Variants in DYSF observed in about 807,000 individuals in gnomAD.
The protein encoded by DYSF is dystrophy-associated fer-1-like 1.
A neutral mutation model predicts 274.9 loss-of-function variants in DYSF; 212 were observed. The ratio of observed to expected loss-of-function variants is 0.77; its 90% confidence interval spans 0.69 to 0.86. DYSF has a LOEUF of 0.86. DYSF is among the 40% of genes least tolerant of loss of function. The pLI, the probability that DYSF is intolerant of heterozygous loss-of-function variation, is 0.00. For synonymous variants in DYSF, 1,091 were observed against 1,078.7 expected (o/e 1.01, Z -0.22); for missense variants, 2,666 against 2,783.2 (o/e 0.96, Z 0.95).
chr2:71,494,141 G>A (rs2084151326), intron 3 of DYSF, among the ~76,000 whole-genome samples: 1 of 152,074 alleles, frequency 6.6e-6, no homozygotes, highest in Admixed American at 6.5e-5. Flanking sequence ...CTCTCTTCAT[G>A]GCCTTCCTTA....
chr2:71,598,779 C>A (rs764288798), intron 33 of DYSF, 34 bp downstream of exon 33: 1 of 1,604,586 alleles, frequency 6.2e-7, no homozygotes, highest in Non-Finnish European at 8.5e-7. Flanking sequence ...CGTCCCCTCA[C>A]AGGGAGGGAC....
chr2:71,561,820 G>A lies in DYSF; in HGVS notation c.2285G>A (p.Arg762His), dbSNP rs759015457. 2.1e-5 allele frequency: 34 copies of A among 1,614,026 alleles called. No individual in the cohort carries two copies. Among genetic ancestry groups the A allele is most frequent in the Admixed American group, 6.7e-5 (4 of 59,992 alleles). Residue 762 changes from arginine (R) to histidine (H), a missense_variant, in exon 23 of 56, where the codon CGC becomes CAC. Arg to His is a conservative substitution (Grantham distance 29). Coordinates refer to ENST00000410020, the MANE Select transcript of DYSF (RefSeq NM_001130987.2). ...CTGGACCAGTACCTGTACCAGCTGC[G>A]CACCCATCACCTGAGCCAAATCACT... ...THLDQYLYQL[R>H]THHLSQITEA...
At chr2:71,648,694 C>T (rs1169106362) in intron 42 of DYSF, among the ~76,000 whole-genome samples, 1 of 152,150 alleles carries the variant, frequency 6.6e-6, no homozygotes, top group African/African-American at 2.4e-5. Flanking sequence ...AATTACTGTA[C>T]TTTAGAGATA....
chr2:71,462,507 A>C (rs1318763525), upstream of DYSF, among the ~76,000 whole-genome samples: 1 of 152,166 alleles, frequency 6.6e-6, no homozygotes, highest in Non-Finnish European at 1.5e-5. Flanking sequence ...GGTGGGGGGC[A>C]GGCTGTTTCA....
chr2:71,561,597 T>C lies in DYSF; in HGVS notation c.2217-155T>C, dbSNP rs553518515. 3.9e-5 allele frequency among the ~76,000 whole-genome samples: 6 copies of C among 152,160 alleles called. No homozygotes were observed. The South Asian group carries it at 8.3e-4, about 21-fold the overall frequency. ...GGAGGTGAGGGTGGAGCACATCACA[T>C]AGAGATGGCTGTGTGTGTGGAGCGG... On this transcript the variant is annotated intron_variant, in intron 22 of 55. Coordinates refer to ENST00000410020, the MANE Select transcript of DYSF (RefSeq NM_001130987.2).
chr2:71,553,762 C>CCCCCCCCT, intron 20 of DYSF, 45 bp from the exon 21 acceptor site: 3 of 1,500,894 alleles, frequency 2.0e-6, no homozygotes, highest in Non-Finnish European at 2.7e-6. Context: ...ATCCCACCCG[C>CCCCCCCCT]CCTCCACTCC....
At chr2:71,495,934 C>T (rs1248404395) in intron 3 of DYSF, among the ~76,000 whole-genome samples, 4 of 151,788 alleles carry the variant, frequency 2.6e-5, no homozygotes. Context: ...GGTCCTCAGG[C>T]ATCCTACCAC....
rs1559099257 is a variant in DYSF at position 71,535,023 on chromosome 2, G to A, written c.1383G>A (p.Leu461=). 1.9e-6 allele frequency: 3 copies of A among 1,614,206 alleles called. No homozygotes were observed. The highest frequency in any genetic ancestry group is 2.5e-6 in the Non-Finnish European group (3 of 1,180,026). ...FVEVSFAGKM[L]CSKILEKTAN... ...TGTCCCCTCCCTGTGTCTTCTAGCT[G>A]TGCAGCAAGATCTTGGAGAAGACGG... is the stretch of plus-strand genomic sequence containing the variant. The change falls in exon 15 of 56, where the codon CTG becomes CTA. Residue 461 remains leucine, a splice_region_variant and synonymous_variant. Coordinates refer to ENST00000410020, the MANE Select transcript of DYSF (RefSeq NM_001130987.2).
At chr2:71,624,200 C>A (rs1220597255) in intron 41 of DYSF, among the ~76,000 whole-genome samples, 1 of 152,178 alleles carries the variant, frequency 6.6e-6, no homozygotes, top group African/African-American at 2.4e-5. Context: ...ATTAGTACAA[C>A]CCAGCTCATC....
At chr2:71,477,861 A>C (rs749883124) in intron 1 of DYSF, among the ~76,000 whole-genome samples, 6 of 152,202 alleles carry the variant, frequency 3.9e-5, no homozygotes, top group Non-Finnish European at 7.3e-5. Flanking sequence ...CTGAAAGTGT[A>C]TTAAAATAGG....
intron 10 of DYSF, among the ~76,000 whole-genome samples, chr2:71,518,689 A>G (rs1172930274): frequency 6.6e-6 from 1 of 152,168 alleles, no homozygotes; most frequent in Non-Finnish European, 1.5e-5. Context: ...CTATCCAAGT[A>G]TATCATGCCT....
intron 14 of DYSF, among the ~76,000 whole-genome samples, chr2:71,533,963 C>G: frequency 6.6e-6 from 1 of 152,200 alleles, no homozygotes; most frequent in East Asian, 1.9e-4. Context: ...GTTGGTCTCT[C>G]TTCTTTCCTT....
At chr2:71,474,461 A>G (rs2082256145) in intron 1 of DYSF, among the ~76,000 whole-genome samples, 1 of 152,176 alleles carries the variant, frequency 6.6e-6, no homozygotes, top group South Asian at 2.1e-4. Flanking sequence ...TACATGCATA[A>G]AGCCACATCT....
At chr2:71,543,815 CA>C (rs2090198338) in intron 17 of DYSF, among the ~76,000 whole-genome samples, 1 of 151,732 alleles carries the variant, frequency 6.6e-6, no homozygotes, top group Admixed American at 6.5e-5. Flanking sequence ...GGCGGCAGTA[CA>C]GTCCAGCTTC....
intron 55 of DYSF, among the ~76,000 whole-genome samples, chr2:71,684,701 A>G (rs973781101): frequency 6.6e-6 from 1 of 152,202 alleles, no homozygotes; most frequent in Non-Finnish European, 1.5e-5. Context: ...CTAGAAACTC[A>G]GAGTCCCCGG....
At chr2:71,465,345 TAGA>T (rs1404175313), upstream of DYSF, among the ~76,000 whole-genome samples, 1 of 152,012 alleles carries the variant, frequency 6.6e-6, no homozygotes, top group Non-Finnish European at 1.5e-5. Context: ...GGGCGGGCGT[TAGA>T]AGGAGACTGG....
intron 14 of DYSF, among the ~76,000 whole-genome samples, chr2:71,528,697 G>A (rs753897854): frequency 6.6e-6 from 1 of 152,210 alleles, no homozygotes; most frequent in Non-Finnish European, 1.5e-5. Context: ...GGAAAATGGA[G>A]CAATAGCATG....
In DYSF at chr2:71,480,937, A is replaced by T. The variant is rs2082832701; in HGVS notation, c.146A>T (p.Glu49Val). The T allele has an allele frequency of 6.2e-7, 1 of 1,613,834 alleles. No homozygotes were observed. The highest frequency in any genetic ancestry group is 8.5e-7 in the Non-Finnish European group (1 of 1,179,842). ...AACAGCGTGAACCCTGTATGGAATG[A>T]GGTATGTGAGTTTTTCTCCTTCCTT... ...IKNSVNPVWN[E>V]GFEWDLKGIP... is the part of the protein sequence containing the mutation. Residue 49 changes from glutamate to valine, a missense_variant and splice_region_variant, in exon 2 of 56, where the codon GAG becomes GTG. Glu to Val is a moderately radical substitution (Grantham distance 121). Coordinates refer to ENST00000410020, the MANE Select transcript of DYSF (RefSeq NM_001130987.2).
intron 24 of DYSF, 97 bp from the exon 25 acceptor site, chr2:71,567,854 T>C: frequency 2.6e-6 from 4 of 1,542,626 alleles, no homozygotes; most frequent in Non-Finnish European, 3.5e-6. Flanking sequence ...GTCAGCCTGC[T>C]CTACCCAGGC....
Sources: gnomAD v4.1 joint callset for allele counts (sites outside exome capture counted in the v4.1 genomes callset) on GRCh38, gnomAD v4.1.1 for gene constraint, MANE v1.5 for transcripts, NCBI Gene and HGNC (gene_info 2026-07-23, HGNC 2026-07-21) for gene names.